Variants in ULK1 observed in about 807,000 individuals in gnomAD.
The protein encoded by ULK1 is serine/threonine-protein kinase ULK1.
Under a neutral mutation model 117.5 loss-of-function variants are expected in ULK1, and 48 were observed. The observed-to-expected ratio is 0.41, with a 90% CI of 0.32 to 0.52. The LOEUF is 0.52. Among genes scored for constraint, ULK1 ranks in the 20% least tolerant of loss-of-function variants. ULK1 has a pLI of 0.29. For missense variants in ULK1, 1,387 were observed against 1,473.4 expected (o/e 0.94, Z 0.96); for synonymous variants, 790 against 637.8 (o/e 1.24, Z -3.60).
In ULK1 at chr12:131,922,321, G is replaced by A. The variant is rs867327365; in HGVS notation, c.*960G>A. On this transcript the variant is annotated 3_prime_UTR_variant, in exon 28 of 28. Coordinates refer to ENST00000321867, the MANE Select transcript of ULK1 (RefSeq NM_003565.4). ...CCTGTGTTGGTGGCTGTCCCCTGCC[G>A]CCCCTCCCTGTGGCAGCAGCAGGAC... 13 of 324,534 alleles carry A rather than the reference G, an allele frequency of 4.0e-5. 1 individual carries two copies. Among genetic ancestry groups the A allele is most frequent in the South Asian group, 1.7e-4 (7 of 42,014 alleles). 20.1% of individuals were successfully genotyped at this position (324,534 alleles called of 1,614,324 possible).
Position 131,917,529 on chromosome 12 carries a change from G to A in ULK1, c.2301G>A (p.Gln767=), listed in dbSNP as rs541704894. Residue 767 remains glutamine, a synonymous_variant, in exon 22 of 28, where the codon CAG becomes CAA. Coordinates refer to ENST00000321867, the MANE Select transcript of ULK1 (RefSeq NM_003565.4). ...GSPPSGSTPP[Q]GPRTRMFSAG... Reference sequence around the variant, plus strand: ...CCCCGAGCGGGAGCACGCCCCCCCAGGGCCCCCGCACCAGGATGTTCTCAG... The same window carrying A: ...CCCCGAGCGGGAGCACGCCCCCCCAAGGCCCCCGCACCAGGATGTTCTCAG... The A allele has an allele frequency of 4.1e-6, 6 of 1,448,670 alleles. No homozygotes were observed. Among genetic ancestry groups the A allele is most frequent in the African/African-American group, 1.5e-5 (1 of 68,126 alleles). The allele number at this position is 1,448,670 out of a possible 1,614,324, so 89.7% of individuals were successfully genotyped here. A position where few individuals can be genotyped will look rare whatever the true frequency, so the allele number is the denominator to read the frequency against.
At position 131,917,457 on chromosome 12, in the gene ULK1, T is replaced by C; in HGVS notation, c.2229T>C (p.Ala743=). 1 of 1,532,594 alleles carries C rather than the reference T, an allele frequency of 6.5e-7. No homozygotes were observed. Among genetic ancestry groups the C allele is most frequent in the Non-Finnish European group, 8.8e-7 (1 of 1,140,452 alleles). The allele number at this position is 1,532,594 out of a possible 1,614,324, so 94.9% of individuals were successfully genotyped here. A position where few individuals can be genotyped will look rare whatever the true frequency, so the allele number is the denominator to read the frequency against. Residue 743 remains alanine (A), a synonymous_variant, in exon 22 of 28, where the codon GCT becomes GCC. Transcript: ENST00000321867. ...FGGSLHPGAR[A]GGTSSPSPVV... is the part of the protein sequence containing the mutation. ...GGAGCCTGCACCCAGGAGCCCGTGC[T>C]GGGGGCACCAGCAGCCCTTCCCCGG... is the stretch of plus-strand genomic sequence containing the variant.
rs1201195065 is a variant in ULK1 at position 131,902,274 on chromosome 12, G to A, written c.247-4618G>A. On this transcript the variant is annotated intron_variant, in intron 3 of 27. Coordinates refer to ENST00000321867, the MANE Select transcript of ULK1 (RefSeq NM_003565.4). The surrounding 1 kb of genome is among the most constrained non-coding windows in gnomAD (Gnocchi z 6.3). ...ACTTTCCGGAGCCAGCTCTGGAGGT[G>A]TGAACTAGGTCAGTGCCTGCTCACC... is the stretch of plus-strand genomic sequence containing the variant. 6.6e-6 allele frequency among the ~76,000 whole-genome samples: 1 copy of A among 152,194 alleles called. No individual in the cohort carries two copies. Among genetic ancestry groups the A allele is most frequent in the Non-Finnish European group, 1.5e-5 (1 of 68,024 alleles).
chr12:131,909,975 G>A lies in ULK1; in HGVS notation c.782G>A (p.Arg261His), dbSNP rs377295019. ...LRQLLLALLQRNHKDRMDFDE... is the reference protein window; with the variant it reads ...LRQLLLALLQHNHKDRMDFDE... ...CAGCTGCTCCTGGCCCTACTGCAAC[G>A]CAACCACAAGGACCGCATGGACTTC... The change falls in exon 10 of 28, where the codon CGC (arginine) becomes CAC (histidine). Residue 261 changes from arginine (R) to histidine (H), a missense_variant. Coordinates refer to ENST00000321867, the MANE Select transcript of ULK1 (RefSeq NM_003565.4). 6.2e-6 allele frequency: 10 copies of A among 1,612,040 alleles called. No homozygotes were observed. Among genetic ancestry groups the A allele is most frequent in the Non-Finnish European group, 7.6e-6 (9 of 1,179,846 alleles).
chr12:131,910,387 G>T, intron 11 of ULK1, 83 bp downstream of exon 11: 3 of 1,574,166 alleles, frequency 1.9e-6, no homozygotes, highest in Non-Finnish European at 2.6e-6. Flanking sequence ...CACTGAGTGT[G>T]GGGCAGAGGG....
intron 18 of ULK1, 79 bp from the exon 19 acceptor site, chr12:131,915,812 G>T: frequency 6.3e-7 from 1 of 1,575,336 alleles, no homozygotes; most frequent in East Asian, 2.2e-5. Flanking sequence ...TCTACCCCAA[G>T]GGGCTCCGTG....
intron 19 of ULK1, 113 bp from the exon 20 acceptor site, chr12:131,916,285 C>T (rs1889779435): frequency 6.6e-6 from 10 of 1,512,844 alleles, no homozygotes; most frequent in Admixed American, 2.2e-5. Context: ...GGCTCATGCT[C>T]AGGCTGCTCC....
intron 3 of ULK1, chr12:131,896,793 C>T (rs951597009): frequency 6.6e-6 from 1 of 152,656 alleles, no homozygotes; most frequent in African/African-American, 2.4e-5. Context: ...TCATCCTCTC[C>T]ATGTTTGGAA....
Position 131,915,112 on chromosome 12 carries a change from C to G in ULK1, c.1403C>G (p.Thr468Ser), listed in dbSNP as rs143353559. ...RSSAIRRSGS[T>S]SPLGFARASP... Reference sequence around the variant, plus strand: ...TCTGCCATCCGCAGGTCAGGCAGCACCAGCCCCCTGGGCTTTGCAAGGGCC... The same window carrying G: ...TCTGCCATCCGCAGGTCAGGCAGCAGCAGCCCCCTGGGCTTTGCAAGGGCC... The change falls in exon 17 of 28, where the codon ACC (threonine) becomes AGC (serine). Residue 468 changes from threonine to serine, a missense_variant. Physicochemically the swap from Thr to Ser is moderately conservative, Grantham distance 58. Coordinates refer to ENST00000321867, the MANE Select transcript of ULK1 (RefSeq NM_003565.4). 1.3e-6 allele frequency: 2 copies of G among 1,572,760 alleles called. No homozygotes were observed. Among genetic ancestry groups the G allele is most frequent in the South Asian group, 1.2e-5 (1 of 85,490 alleles).
At chr12:131,899,916 G>A (rs193136640) in intron 3 of ULK1, among the ~76,000 whole-genome samples, 9 of 152,182 alleles carry the variant, frequency 5.9e-5, no homozygotes, top group Non-Finnish European at 1.0e-4. Flanking sequence ...TCAGGAGATC[G>A]AGACTATCCT....
chr12:131,897,328 A>G (rs1048208682), intron 3 of ULK1: 1 of 152,246 alleles, frequency 6.6e-6, no homozygotes, highest in Non-Finnish European at 1.5e-5. Flanking sequence ...GTGATAAAAG[A>G]AAATCCTCAA....
Position 131,919,222 on chromosome 12 carries a change from C to G in ULK1, c.2522C>G (p.Thr841Arg). ...PEETLMEQEH[T>R]EILRGLRFTL... ...GGCCGCTTCCTGCAGCAAGAGCACA[C>G]GGAGATCCTGCGTGGCCTGCGCTTC... Residue 841 changes from threonine to arginine, a missense_variant, in exon 24 of 28, where the codon ACG becomes AGG. Thr to Arg is a moderately conservative substitution (Grantham distance 71, BLOSUM62 -1). This residue lies in a region of ULK1 where 900 missense variants were observed against 858.9 expected (regional missense o/e 1.05). Coordinates refer to ENST00000321867, the MANE Select transcript of ULK1 (RefSeq NM_003565.4). 1.3e-6 allele frequency: 2 copies of G among 1,594,998 alleles called. No individual in the cohort carries two copies. The highest frequency in any genetic ancestry group is 1.1e-5 in the South Asian group (1 of 90,742).
rs749098702 is a variant in ULK1, at chr12:131,916,165, G to A, written c.1878+6G>A. 5 of 1,610,472 alleles carry A rather than the reference G, an allele frequency of 3.1e-6. No individual in the cohort carries two copies. Among genetic ancestry groups the A allele is most frequent in the African/African-American group, 1.3e-5 (1 of 74,832 alleles). On this transcript the variant is annotated splice_donor_region_variant and intron_variant, in intron 19 of 27. Transcript: ENST00000321867. ...TCCTGGGCTCCCCCACCAAGGTAATGGGCACTGCCATGTGTGCAGGGGCAC... is the reference window on the plus strand; with the variant it reads ...TCCTGGGCTCCCCCACCAAGGTAATAGGCACTGCCATGTGTGCAGGGGCAC...
intron 11 of ULK1, 114 bp downstream of exon 11, chr12:131,910,418 C>T: frequency 1.3e-6 from 2 of 1,503,822 alleles, no homozygotes; most frequent in Non-Finnish European, 1.8e-6. Context: ...GAGCTGCGGC[C>T]AGCTCCCAGG....
chr12:131,905,905 G>T (rs577818145), intron 3 of ULK1, among the ~76,000 whole-genome samples: 1 of 152,298 alleles, frequency 6.6e-6, no homozygotes, highest in South Asian at 2.1e-4. Flanking sequence ...TCAGGTCTGT[G>T]TCTGAGCTGA....
In ULK1 at chr12:131,916,024, G is replaced by A; in HGVS notation, c.1743G>A (p.Val581=). The change falls in exon 19 of 28, where the codon GTG becomes GTA. Residue 581 remains valine, a synonymous_variant. Transcript: ENST00000321867. ...CCCCCACGGACCCCCTGGGAGCTGTGTTCAGCCCACCACAGGCCAGCCCTC... is the reference window on the plus strand; with the variant it reads ...CCCCCACGGACCCCCTGGGAGCTGTATTCAGCCCACCACAGGCCAGCCCTC... ...PKPPTDPLGA[V]FSPPQASPPQ... 1 of 1,612,060 alleles carries A rather than the reference G, an allele frequency of 6.2e-7. No homozygotes were observed. Among genetic ancestry groups the A allele is most frequent in the Non-Finnish European group, 8.5e-7 (1 of 1,179,704 alleles).
chr12:131,918,311 T>G (rs1162419629), intron 22 of ULK1, 186 bp from the exon 23 acceptor site: 13 of 696,064 alleles, frequency 1.9e-5, no homozygotes, highest in Non-Finnish European at 3.0e-5. Context: ...TTGTGGTGAG[T>G]GGCAAGAGGT....
Position 131,921,577 on chromosome 12 carries a change from T to C in ULK1, c.*216T>C. ...CAGCTTGGGGGGTGTCTCCCATCTT[T>C]TACAGGTGGGGATCACAGAATTTCT... On this transcript the variant is annotated 3_prime_UTR_variant, in exon 28 of 28. Coordinates refer to ENST00000321867, the MANE Select transcript of ULK1 (RefSeq NM_003565.4). 2 of 689,926 alleles carry C rather than the reference T, an allele frequency of 2.9e-6. No individual in the cohort carries two copies. The highest frequency in any genetic ancestry group is 4.9e-6 in the Non-Finnish European group (2 of 411,730). The allele number at this position is 689,926 out of a possible 1,614,324, so 42.7% of individuals were successfully genotyped here.
intron 4 of ULK1, 145 bp from the exon 5 acceptor site, chr12:131,907,350 A>C: frequency 1.0e-6 from 1 of 964,456 alleles, no homozygotes; most frequent in Non-Finnish European, 1.5e-6. Flanking sequence ...TCCAGCAGGG[A>C]CTGTGGGGAC....
Sources: allele counts gnomAD v4.1 joint callset (sites outside exome capture counted in the v4.1 genomes callset), GRCh38; gene constraint gnomAD v4.1.1; regional missense constraint gnomAD v4.1.1; non-coding constraint Gnocchi (gnomAD v3.1); transcripts MANE v1.5; gene names NCBI Gene and HGNC (gene_info 2026-07-23, HGNC 2026-07-21).